CCDC171: variants seen among roughly 807,000 people sequenced by gnomAD.
CCDC171 encodes the protein coiled-coil domain containing 171, also known as coiled-coil domain-containing protein 171.
In CCDC171, 177 loss-of-function variants were observed where a neutral mutation model predicts 168.2. The observed-to-expected ratio is 1.05, with a 90% CI of 0.93 to 1.19. CCDC171 has a LOEUF of 1.19. Ranked by LOEUF, CCDC171 falls within the 50% of genes most tolerant of loss-of-function variation. The probability of loss-of-function intolerance (pLI) is 0.00; values close to 1 mark genes in which losing one functional copy is unlikely to be tolerated. For missense variants in CCDC171, 1,991 were observed against 1,539.0 expected (o/e 1.29, Z -4.91); for synonymous variants, 687 against 540.8 (o/e 1.27, Z -3.75).
chr9:15,730,746 T>G (rs1316150576), intron 16 of CCDC171, among the ~76,000 whole-genome samples: 1 of 151,968 alleles, frequency 6.6e-6, no homozygotes, highest in Non-Finnish European at 1.5e-5. Context: ...TCTATATGAA[T>G]TTGAATGAAT....
intron 23 of CCDC171, among the ~76,000 whole-genome samples, chr9:15,873,353 G>A (rs1055481557): frequency 6.6e-6 from 1 of 152,038 alleles, no homozygotes; most frequent in African/African-American, 2.4e-5. Flanking sequence ...TTGTATTTTT[G>A]CCAAGTTATA....
chr9:15,610,418 C>T, intron 6 of CCDC171, among the ~76,000 whole-genome samples: 1 of 118,106 alleles, frequency 8.5e-6, no homozygotes, highest in East Asian at 2.7e-4. Flanking sequence ...ACCAGCCTGG[C>T]CAACATGGTG....
At chr9:15,758,792 A>T (rs1287153863) in intron 18 of CCDC171, among the ~76,000 whole-genome samples, 1 of 152,110 alleles carries the variant, frequency 6.6e-6, no homozygotes, top group East Asian at 1.9e-4. Flanking sequence ...TGATAGTTTG[A>T]TAAGGGGAAG....
chr9:15,975,710 A>G (rs1400310922), downstream of CCDC171, among the ~76,000 whole-genome samples: 2 of 152,204 alleles, frequency 1.3e-5, no homozygotes, highest in South Asian at 2.1e-4. Context: ...GCTGATCAAT[A>G]AAGCATTCAC....
At chr9:15,568,678 A>G (rs1172321970) in intron 2 of CCDC171, among the ~76,000 whole-genome samples, 5 of 152,046 alleles carry the variant, frequency 3.3e-5, no homozygotes, top group Admixed American at 3.3e-4. Context: ...GCTTTGTTTC[A>G]TATGCTTGTT....
At chr9:16,027,216 C>T (rs1447489683) in intron 6 of CCDC171, among the ~76,000 whole-genome samples, 1 of 152,178 alleles carries the variant, frequency 6.6e-6, no homozygotes, top group African/African-American at 2.4e-5. Context: ...CTGATAATGA[C>T]CCAGAGGAAA....
chr9:15,930,138 A>G (rs1232021566), intron 25 of CCDC171, among the ~76,000 whole-genome samples: 1 of 151,684 alleles, frequency 6.6e-6, no homozygotes, highest in African/African-American at 2.4e-5. Flanking sequence ...CTTGATTTGA[A>G]TTGAAATTAA....
intron 3 of CCDC171, among the ~76,000 whole-genome samples, chr9:15,993,219 A>C (rs534515926): frequency 6.6e-6 from 1 of 152,134 alleles, no homozygotes; most frequent in Admixed American, 6.5e-5. Context: ...AGTAAGCAAA[A>C]CAGCATGGTA....
At chr9:15,968,638 C>G (rs1831037898) in intron 25 of CCDC171, among the ~76,000 whole-genome samples, 1 of 148,068 alleles carries the variant, frequency 6.8e-6, no homozygotes, top group African/African-American at 2.5e-5. Flanking sequence ...ACCTCTGCCT[C>G]TGGATTCAAG....
chr9:16,095,865 G>T, the CCDC171 span, among the ~76,000 whole-genome samples: 1 of 58,148 alleles, frequency 1.7e-5, no homozygotes, highest in East Asian at 4.0e-4. Context: ...TACACACATA[G>T]GCACATATAT....
chr9:15,662,347 T>G (rs1432615007), intron 8 of CCDC171, among the ~76,000 whole-genome samples: 2 of 147,504 alleles, frequency 1.4e-5, no homozygotes, highest in Non-Finnish European at 3.0e-5. Context: ...TTAAAAATAA[T>G]TCTGGTGATT....
At chr9:15,880,463 C>T (rs1353870686) in intron 24 of CCDC171, among the ~76,000 whole-genome samples, 17 of 141,038 alleles carry the variant, frequency 1.2e-4, no homozygotes, top group East Asian at 2.1e-4. Flanking sequence ...CTCTCTCTCT[C>T]TTTTTTTTTT....
At chr9:16,085,124 G>A in the CCDC171 span, among the ~76,000 whole-genome samples, 78 of 152,214 alleles carry the variant, frequency 5.1e-4, no homozygotes, top group African/African-American at 1.9e-3. Flanking sequence ...ATGTCAGCCT[G>A]TGCCAGGCAG....
chr9:15,785,607 C>G (rs2057906863), intron 21 of CCDC171, among the ~76,000 whole-genome samples: 1 of 152,002 alleles, frequency 6.6e-6, no homozygotes, highest in Non-Finnish European at 1.5e-5. Context: ...CTCACACAAA[C>G]TGTATGGGAT....
At chr9:15,747,703 C>T (rs2134727535) in intron 18 of CCDC171, among the ~76,000 whole-genome samples, 1 of 152,304 alleles carries the variant, frequency 6.6e-6, no homozygotes, top group South Asian at 2.1e-4. Flanking sequence ...ATAGCATCAA[C>T]ATCAACAAAA....
intron 25 of CCDC171, among the ~76,000 whole-genome samples, chr9:15,949,957 C>G (rs1828918553): frequency 2.0e-5 from 3 of 151,978 alleles, no homozygotes; most frequent in African/African-American, 2.4e-5. Flanking sequence ...ATAGATAGCT[C>G]TTATTATTTT....
chr9:15,740,494 G>A (rs187693113), intron 16 of CCDC171, among the ~76,000 whole-genome samples: 74 of 152,144 alleles, frequency 4.9e-4, no homozygotes, highest in African/African-American at 1.6e-3. Context: ...GAGTGCAGTG[G>A]TGTGATCTTG....
At chr9:15,681,643 C>G (rs977078028) in intron 10 of CCDC171, among the ~76,000 whole-genome samples, 2 of 151,238 alleles carry the variant, frequency 1.3e-5, no homozygotes, top group Non-Finnish European at 3.0e-5. Flanking sequence ...TGTACATATT[C>G]CTTTATTGAC....
chr9:15,779,620 A>G (rs568347872), intron 20 of CCDC171, among the ~76,000 whole-genome samples: 49 of 152,286 alleles, frequency 3.2e-4, no homozygotes, highest in East Asian at 9.6e-4. Context: ...TCAGCCTCCC[A>G]AAGTGCTGGG....
Sources: gnomAD v4.1 joint callset for allele counts (sites outside exome capture counted in the v4.1 genomes callset) on GRCh38, gnomAD v4.1.1 for gene constraint, MANE v1.5 for transcripts, NCBI Gene and HGNC (gene_info 2026-07-23, HGNC 2026-07-21) for gene names.